ABCD3: variants seen among roughly 807,000 people sequenced by gnomAD.
ABCD3 encodes ATP-binding cassette sub-family D member 3.
Under a neutral mutation model 105.5 loss-of-function variants are expected in ABCD3, and 41 were observed. That is an observed-to-expected ratio of 0.39 (90% CI 0.30 to 0.50). ABCD3 has a LOEUF of 0.50. ABCD3 is among the 20% of genes least tolerant of loss of function. The pLI is 0.84. For missense variants in ABCD3, 622 were observed against 806.3 expected (o/e 0.77, Z 2.77); for synonymous variants, 258 against 269.0 (o/e 0.96, Z 0.40).
chr1:94,462,161 A>G (rs559872368), intron 2 of ABCD3, among the ~76,000 whole-genome samples: 3 of 152,258 alleles, frequency 2.0e-5, no homozygotes, highest in African/African-American at 7.2e-5. Context: ...TATAATGTTC[A>G]TGTTAAACTT....
At chr1:94,477,015 G>C (rs1414354283) in intron 7 of ABCD3, among the ~76,000 whole-genome samples, 5 of 151,610 alleles carry the variant, frequency 3.3e-5, no homozygotes, top group Non-Finnish European at 7.4e-5. Context: ...TTTAAATCTT[G>C]GCACTTGAGC....
the ABCD3 span, among the ~76,000 whole-genome samples, chr1:94,401,841 C>G: frequency 6.6e-6 from 1 of 152,132 alleles, no homozygotes. Flanking sequence ...ATAAAAGGCA[C>G]AGGTCTTAAG....
chr1:94,438,593 G>A (rs1043756573), intron 1 of ABCD3, among the ~76,000 whole-genome samples: 5 of 152,114 alleles, frequency 3.3e-5, no homozygotes, highest in African/African-American at 7.2e-5. Flanking sequence ...GTGAAAGGAA[G>A]AGTTAATCAC....
chr1:94,417,875 G>GA (rs1451422861), upstream of ABCD3, among the ~76,000 whole-genome samples: 2 of 152,186 alleles, frequency 1.3e-5, no homozygotes, highest in Non-Finnish European at 2.9e-5. Context: ...AAAGCTCTTT[G>GA]ATCTGTGTCA....
At chr1:94,511,886 C>G (rs1650689646) in intron 21 of ABCD3, among the ~76,000 whole-genome samples, 1 of 152,194 alleles carries the variant, frequency 6.6e-6, no homozygotes, top group Non-Finnish European at 1.5e-5. Flanking sequence ...TCTAGTTATA[C>G]ATTCTTCTAA....
chr1:94,484,474 A>G (rs911986309), intron 10 of ABCD3, among the ~76,000 whole-genome samples: 1 of 152,238 alleles, frequency 6.6e-6, no homozygotes, highest in Non-Finnish European at 1.5e-5. Flanking sequence ...TTATGAGTTC[A>G]TGTCCTTTGT....
intron 20 of ABCD3, 93 bp downstream of exon 20, chr1:94,499,707 TCAG>T: frequency 1.3e-6 from 2 of 1,494,950 alleles, no homozygotes; most frequent in South Asian, 2.3e-5. Context: ...ATTTTTTTAT[TCAG>T]CAGCTGTTTC....
In ABCD3 at chr1:94,478,296, C is replaced by T. The variant is rs747106886; in HGVS notation, c.665C>T (p.Thr222Met). The change falls in exon 8 of 23, where the codon ACG becomes ATG. Residue 222 changes from threonine to methionine, a missense_variant. Physicochemically the swap from Thr to Met is moderately conservative, Grantham distance 81. This residue lies in a region of ABCD3 where 245 missense variants were observed against 356.4 expected (regional missense o/e 0.69). Coordinates refer to ENST00000370214, the MANE Select transcript of ABCD3 (RefSeq NM_002858.4). ...LDIVLYIFKL[T>M]SAIGAQGPAS... is the part of the protein sequence containing the mutation. ...ATAGTTTTGTATATCTTTAAGTTAA[C>T]GAGTGCAATTGGAGCTCAGGTGAGT... 1.3e-5 allele frequency: 21 copies of T among 1,602,360 alleles called. No homozygotes were observed. The highest frequency in any genetic ancestry group is 1.7e-5 in the Non-Finnish European group (20 of 1,171,462).
intron 4 of ABCD3, among the ~76,000 whole-genome samples, chr1:94,471,622 G>A (rs1366033538): frequency 1.3e-5 from 2 of 151,966 alleles, no homozygotes; most frequent in African/African-American, 4.8e-5. Flanking sequence ...AGCCTCTGCT[G>A]TGTATGAAAT....
chr1:94,516,923 C>A, intron 22 of ABCD3, 129 bp from the exon 23 acceptor site: 1 of 746,468 alleles, frequency 1.3e-6, no homozygotes. Context: ...CGGAAGCATT[C>A]TGATTTGTGG....
chr1:94,391,393 C>A, the ABCD3 span, among the ~76,000 whole-genome samples: 1 of 152,182 alleles, frequency 6.6e-6, no homozygotes, highest in Non-Finnish European at 1.5e-5. Flanking sequence ...ACTTGTCAGC[C>A]ATTGCTGCAG....
At chr1:94,407,126 C>A in the ABCD3 span, among the ~76,000 whole-genome samples, 1 of 152,060 alleles carries the variant, frequency 6.6e-6, no homozygotes, top group Non-Finnish European at 1.5e-5. Context: ...AACTGACATA[C>A]TGATGATATT....
chr1:94,407,361 G>T, the ABCD3 span, among the ~76,000 whole-genome samples: 181 of 152,168 alleles, frequency 1.2e-3, no homozygotes, highest in African/African-American at 4.2e-3. Context: ...TATTGGTCAG[G>T]CTGGTCTCAA....
intron 3 of ABCD3, among the ~76,000 whole-genome samples, chr1:94,466,344 A>C (rs181113930): frequency 5.0e-4 from 76 of 152,196 alleles, no homozygotes; most frequent in Non-Finnish European, 9.4e-4. Context: ...TACTGTTCTC[A>C]CTATATCTTA....
Position 94,506,552 on chromosome 1 carries a change from T to G in ABCD3, c.1755T>G (p.Phe585Leu). ...TTATGCTTCAGATGGCAAGATTATT[T>G]TATCATAAACCCCAGTTTGCCATTT... The part of the protein sequence containing the change: ...EKQRMAMARL[F>L]YHKPQFAILD... Residue 585 changes from phenylalanine (F) to leucine (L), a missense_variant, in exon 21 of 23, where the codon TTT (phenylalanine) becomes TTG (leucine). This residue lies in a region of ABCD3 where 285 missense variants were observed against 352.5 expected (regional missense o/e 0.81). Coordinates refer to ENST00000370214, the MANE Select transcript of ABCD3 (RefSeq NM_002858.4). 1 of 1,612,720 alleles carries G rather than the reference T, an allele frequency of 6.2e-7. No individual in the cohort carries two copies. The highest frequency in any genetic ancestry group is 2.2e-5 in the East Asian group (1 of 44,814).
intron 9 of ABCD3, chr1:94,482,099 A>G (rs4148045): frequency 0.2 from 29,704 of 152,142 alleles, 3,644 homozygotes; most frequent in East Asian, 0.3. Context: ...CCATAGGCTT[A>G]GGTGTGGAGA....
intron 3 of ABCD3, among the ~76,000 whole-genome samples, chr1:94,466,782 T>C (rs1172320886): frequency 6.6e-6 from 1 of 152,224 alleles, no homozygotes; most frequent in Non-Finnish European, 1.5e-5. Flanking sequence ...TTTTAACTAT[T>C]GCAGGGGTTC....
At chr1:94,396,443 A>G in the ABCD3 span, among the ~76,000 whole-genome samples, 1 of 152,162 alleles carries the variant, frequency 6.6e-6, no homozygotes, top group Non-Finnish European at 1.5e-5. Flanking sequence ...AGGAGCTTCC[A>G]GCAAACACTT....
intron 21 of ABCD3, among the ~76,000 whole-genome samples, chr1:94,508,321 T>A (rs1051857145): frequency 0.013 from 1,918 of 152,278 alleles, 45 homozygotes; most frequent in African/African-American, 0.044. Flanking sequence ...GCGTTATTTC[T>A]GAGGGCTCTG....
Sources: gnomAD v4.1 joint callset for allele counts (sites outside exome capture counted in the v4.1 genomes callset) on GRCh38, gnomAD v4.1.1 for gene constraint, gnomAD v4.1.1 regional missense constraint, MANE v1.5 for transcripts, NCBI Gene and HGNC (gene_info 2026-07-23, HGNC 2026-07-21) for gene names.